KALRN: variants seen among roughly 807,000 people sequenced by gnomAD.
KALRN encodes the protein kalirin RhoGEF kinase, also known as kalirin.
In KALRN, 70 loss-of-function variants were observed where a neutral mutation model predicts 353.7. The ratio of observed to expected loss-of-function variants is 0.20; its 90% confidence interval spans 0.16 to 0.24. KALRN has a LOEUF of 0.24. Among genes scored for constraint, KALRN ranks in the 10% least tolerant of loss-of-function variants. The pLI, the probability that KALRN is intolerant of heterozygous loss-of-function variation, is 1.00. For missense variants in KALRN, 2,791 were observed against 3,756.7 expected (o/e 0.74, Z 6.72); for synonymous variants, 1,391 against 1,434.8 (o/e 0.97, Z 0.69).
chr3:124,615,107 G>A (rs906781630), intron 34 of KALRN, among the ~76,000 whole-genome samples: 23 of 152,202 alleles, frequency 1.5e-4, no homozygotes, highest in African/African-American at 5.3e-4. Context: ...TTTACCTGGT[G>A]GATTAGAACA....
Position 124,326,118 on chromosome 3 carries a change from G to A in KALRN, c.1231G>A (p.Glu411Lys). ...GAAGAGCTTCGCTGCTGCCCTGGATGAACGCAGCACCATCCTCGCCATGTC... is the reference window on the plus strand; with the variant it reads ...GAAGAGCTTCGCTGCTGCCCTGGATAAACGCAGCACCATCCTCGCCATGTC... ...EWKSFAAALD[E>K]RSTILAMSAV... The change falls in exon 7 of 60, where the codon GAA becomes AAA. Residue 411 changes from glutamate to lysine, a missense_variant. Coordinates refer to ENST00000682506, the MANE Select transcript of KALRN (RefSeq NM_001388419.1). The A allele has an allele frequency of 6.2e-7, 1 of 1,613,946 alleles. No homozygotes were observed. The highest frequency in any genetic ancestry group is 8.5e-7 in the Non-Finnish European group (1 of 1,179,912).
At chr3:124,565,978 A>AG (rs981010056) in intron 34 of KALRN, among the ~76,000 whole-genome samples, 2 of 152,202 alleles carry the variant, frequency 1.3e-5, no homozygotes, top group Non-Finnish European at 2.9e-5. Flanking sequence ...CAAAGCTGGG[A>AG]GGGAGGCTGT....
chr3:124,187,343 A>G (rs577371915), intron 1 of KALRN, among the ~76,000 whole-genome samples: 82 of 152,174 alleles, frequency 5.4e-4, no homozygotes, highest in African/African-American at 1.9e-3. Context: ...TGGCCTCCCA[A>G]AGTGCTGGGA....
intron 33 of KALRN, among the ~76,000 whole-genome samples, chr3:124,556,934 C>T (rs1384922602): frequency 6.6e-6 from 1 of 152,152 alleles, no homozygotes; most frequent in African/African-American, 2.4e-5. Context: ...ACGTCTTGTC[C>T]TCTTAAAAAA....
chr3:124,044,634 A>AT (rs1577503214), intron 1 of KALRN, among the ~76,000 whole-genome samples: 3 of 151,190 alleles, frequency 2.0e-5, no homozygotes, highest in African/African-American at 7.3e-5. Flanking sequence ...AAAAAAAAAA[A>AT]TTGCTCATGT....
At chr3:124,486,627 A>G (rs1433913542) in intron 28 of KALRN, among the ~76,000 whole-genome samples, 1 of 152,220 alleles carries the variant, frequency 6.6e-6, no homozygotes, top group African/African-American at 2.4e-5. Context: ...CTTACCAAGT[A>G]TAAAGCTTGA....
At chr3:124,316,041 G>A (rs1160188334) in intron 6 of KALRN, among the ~76,000 whole-genome samples, 1 of 152,146 alleles carries the variant, frequency 6.6e-6, no homozygotes, top group East Asian at 1.9e-4. Flanking sequence ...GGACGAGACG[G>A]GCGGATGAGA....
chr3:124,421,389 C>T (rs2092773035), intron 14 of KALRN, among the ~76,000 whole-genome samples: 1 of 152,136 alleles, frequency 6.6e-6, no homozygotes, highest in Non-Finnish European at 1.5e-5. Context: ...AGAAAAGCCA[C>T]AGGACTAAGG....
At chr3:124,577,232 G>A (rs977363121) in intron 34 of KALRN, among the ~76,000 whole-genome samples, 9 of 152,146 alleles carry the variant, frequency 5.9e-5, no homozygotes. Context: ...AAAAGAGGGT[G>A]GCTGCAGGCT....
intron 25 of KALRN, among the ~76,000 whole-genome samples, chr3:124,468,044 G>A (rs2060514049): frequency 6.6e-6 from 1 of 151,946 alleles, no homozygotes; most frequent in South Asian, 2.1e-4. Flanking sequence ...AGGAGATCGA[G>A]GGAAAGAGAT....
chr3:124,481,836 C>T (rs189879794), intron 27 of KALRN, among the ~76,000 whole-genome samples: 10 of 152,326 alleles, frequency 6.6e-5, no homozygotes, highest in Middle Eastern at 3.4e-3. Flanking sequence ...ACTAACCACC[C>T]GGCCACTCCC....
At chr3:124,585,596 G>A (rs954969815) in intron 34 of KALRN, among the ~76,000 whole-genome samples, 3 of 152,126 alleles carry the variant, frequency 2.0e-5, no homozygotes, top group Non-Finnish European at 4.4e-5. Flanking sequence ...GCGAACAGGA[G>A]GGCGAGAAGG....
At chr3:124,684,377 A>G (rs769870006) in intron 51 of KALRN, among the ~76,000 whole-genome samples, 2 of 151,986 alleles carry the variant, frequency 1.3e-5, no homozygotes, top group Admixed American at 6.5e-5. Flanking sequence ...GTGTTATTCC[A>G]TTTTCCAGCT....
intron 1 of KALRN, among the ~76,000 whole-genome samples, chr3:124,124,203 A>G (rs1422567105): frequency 6.6e-6 from 1 of 152,236 alleles, no homozygotes; most frequent in African/African-American, 2.4e-5. Flanking sequence ...AAATATCAAC[A>G]TTAATGGGAG....
At position 124,226,690 on chromosome 3, in the gene KALRN, C is replaced by T. The variant is rs530750088; in HGVS notation, c.74-1300C>T. On this transcript the variant is annotated intron_variant, in intron 1 of 59. Coordinates refer to ENST00000682506, the MANE Select transcript of KALRN (RefSeq NM_001388419.1). The stretch of plus-strand genomic sequence containing the variant: ...TCACTTCCCTAGGCCAGTGATCTTA[C>T]GCCTGGCCCAGAATTTTATTGCCAA... 1.5e-4 allele frequency among the ~76,000 whole-genome samples: 23 copies of T among 152,294 alleles called. No homozygotes were observed. The South Asian group carries it at 3.7e-3, about 25-fold the overall frequency.
rs1158047585 is a variant in KALRN, at chr3:124,378,503, G to T, written c.1771-6342G>T. Reference sequence around the variant, plus strand: ...AGTATTTCCAGTGCTCTTGATTCCTGTGTATGGATCTGTATTTCCATCTGA... The same window carrying T: ...AGTATTTCCAGTGCTCTTGATTCCTTTGTATGGATCTGTATTTCCATCTGA... On this transcript the variant is annotated intron_variant, in intron 10 of 59. Coordinates refer to ENST00000682506, the MANE Select transcript of KALRN (RefSeq NM_001388419.1). Among the ~76,000 whole-genome samples, 5 of 150,730 alleles carry T rather than the reference G, an allele frequency of 3.3e-5. No individual in the cohort carries two copies. In the South Asian group the frequency reaches 1.0e-3, roughly 31 times the overall value.
chr3:124,041,886 G>T (rs937106946), intron 1 of KALRN, among the ~76,000 whole-genome samples: 5 of 152,200 alleles, frequency 3.3e-5, no homozygotes, highest in Admixed American at 2.0e-4. Flanking sequence ...GGTGGACAGA[G>T]GAATTAATTC....
intron 34 of KALRN, among the ~76,000 whole-genome samples, chr3:124,623,701 G>C (rs1288154159): frequency 1.3e-5 from 2 of 152,086 alleles, no homozygotes; most frequent in Non-Finnish European, 2.9e-5. Context: ...GCCTTCCCCA[G>C]CCCACTGACT....
chr3:124,524,406 C>T (rs1392942183), intron 33 of KALRN, among the ~76,000 whole-genome samples: 1 of 152,156 alleles, frequency 6.6e-6, no homozygotes. Context: ...CTAATATCTG[C>T]TGTAGACATT....
Sources: gnomAD v4.1 joint callset for allele counts (sites outside exome capture counted in the v4.1 genomes callset) on GRCh38, gnomAD v4.1.1 for gene constraint, MANE v1.5 for transcripts, NCBI Gene and HGNC (gene_info 2026-07-23, HGNC 2026-07-21) for gene names.